The following CACNA1I variants were observed in gnomAD, a reference collection of about 807,000 sequenced individuals.
CACNA1I encodes voltage-dependent T-type calcium channel subunit alpha-1I.
In CACNA1I, 74 loss-of-function variants were observed where a neutral mutation model predicts 201.6. The observed-to-expected ratio is 0.37, with a 90% CI of 0.30 to 0.45. The LOEUF (loss-of-function observed/expected upper bound fraction) is 0.45, where lower values mean the gene tolerates loss of function less well. Among genes scored for constraint, CACNA1I ranks in the 20% least tolerant of loss-of-function variants. The probability of loss-of-function intolerance (pLI) is 1.00; values close to 1 mark genes in which losing one functional copy is unlikely to be tolerated. For missense variants in CACNA1I, 2,346 were observed against 3,138.1 expected, an observed-to-expected ratio of 0.75 and a Z score of 6.03; for synonymous variants, 1,431 against 1,345.2, an observed-to-expected ratio of 1.06 and a Z score of -1.40.
At position 39,604,518 on chromosome 22, in the gene CACNA1I, T is replaced by G. The variant is rs970904761; in HGVS notation, c.482+3865T>G. ...TTAATCATTTATGAACAAGGGGCCC[T>G]GCATCTTCAGTTTGCACCAAGTCCC... is the stretch of plus-strand genomic sequence containing the variant. On this transcript the variant is annotated intron_variant, in intron 3 of 36. Coordinates refer to ENST00000402142, the MANE Select transcript of CACNA1I (RefSeq NM_021096.4). Among the ~76,000 whole-genome samples, 5 of 152,122 alleles carry G rather than the reference T, an allele frequency of 3.3e-5. No homozygotes were observed. In the East Asian group the frequency reaches 5.8e-4, roughly 18 times the overall value.
chr22:39,662,769 T>C lies in CACNA1I; in HGVS notation c.3373-7T>C. 6.4e-7 allele frequency: 1 copy of C among 1,567,028 alleles called. No homozygotes were observed. The highest frequency in any genetic ancestry group is 8.7e-7 in the Non-Finnish European group (1 of 1,155,372). ...TGACCCCCGGCGCTCCGTCCTCCTC[T>C]TGCTAGACCCTGTGCTTCCGCGTCC... On this transcript the variant is annotated splice_region_variant and splice_polypyrimidine_tract_variant and intron_variant, in intron 17 of 36. Coordinates refer to ENST00000402142, the MANE Select transcript of CACNA1I (RefSeq NM_021096.4).
intron 1 of CACNA1I, among the ~76,000 whole-genome samples, chr22:39,585,492 C>T (rs1333319582): frequency 8.3e-5 from 12 of 144,586 alleles, no homozygotes; most frequent in African/African-American, 7.7e-5. Flanking sequence ...CGATTTTAAG[C>T]GATTCTCCTG....
chr22:39,638,716 T>C (rs1214178758), intron 5 of CACNA1I, among the ~76,000 whole-genome samples: 1 of 152,154 alleles, frequency 6.6e-6, no homozygotes, highest in Non-Finnish European at 1.5e-5. Context: ...TTATGGGAGA[T>C]TTTCATATGC....
In CACNA1I at chr22:39,629,190, G is replaced by A. The variant is rs924197647; in HGVS notation, c.581-5375G>A. On this transcript the variant is annotated intron_variant, in intron 4 of 36. Coordinates refer to ENST00000402142, the MANE Select transcript of CACNA1I (RefSeq NM_021096.4). This position sits in a 1 kb window ranked among gnomAD's most constrained non-coding sequence, Gnocchi z 4.8. The stretch of plus-strand genomic sequence containing the variant: ...TAGCTTTCAGTGCTGTCTAGAGACC[G>A]TCCTCACCCTGGTGCTCCACATGAC... Among the ~76,000 whole-genome samples, 4 of 152,052 alleles carry A rather than the reference G, an allele frequency of 2.6e-5. No individual in the cohort carries two copies. Among genetic ancestry groups the A allele is most frequent in the African/African-American group, 9.7e-5 (4 of 41,406 alleles).
chr22:39,673,122 G>A (rs1935420920), intron 28 of CACNA1I, 40 bp downstream of exon 28: 2 of 1,592,636 alleles, frequency 1.3e-6, no homozygotes, highest in African/African-American at 2.7e-5. Flanking sequence ...GGGACAAGCA[G>A]GGGCGGGATG....
In CACNA1I at chr22:39,649,415, G is replaced by A; in HGVS notation, c.1568-86G>A. ...GTTCCAGGCAGACCTGTGGGCCTGG[G>A]AGCCAAGCGCACTCAGGGATGTGTC... On this transcript the variant is annotated intron_variant, in intron 9 of 36. Coordinates refer to ENST00000402142, the MANE Select transcript of CACNA1I (RefSeq NM_021096.4). This position sits in a 1 kb window ranked among gnomAD's most constrained non-coding sequence, Gnocchi z 7.3. The A allele has an allele frequency of 7.4e-7, 1 of 1,354,596 alleles. No individual in the cohort carries two copies. The highest frequency in any genetic ancestry group is 9.8e-7 in the Non-Finnish European group (1 of 1,017,742). 83.9% of individuals were successfully genotyped at this position (1,354,596 alleles called of 1,614,324 possible).
intron 26 of CACNA1I, among the ~76,000 whole-genome samples, chr22:39,671,792 G>A (rs893379331): frequency 6.6e-6 from 1 of 152,178 alleles, no homozygotes; most frequent in Non-Finnish European, 1.5e-5. Flanking sequence ...CATTTACCAA[G>A]TATTATTCTG....
chr22:39,613,956 G>T (rs889409108), intron 3 of CACNA1I, among the ~76,000 whole-genome samples: 11 of 152,276 alleles, frequency 7.2e-5, no homozygotes, highest in African/African-American at 2.2e-4. Context: ...TCTTCCCTCA[G>T]CCTCTTGAGT....
In CACNA1I at chr22:39,647,938, C is replaced by G; in HGVS notation, c.1567+12C>G. ...TCACTCGGGAAGAGGCAAGCCAGGG[C>G]CACGGGAGGTGGGCCCTGCCCCCAG... On this transcript the variant is annotated intron_variant, in intron 9 of 36. Coordinates refer to ENST00000402142, the MANE Select transcript of CACNA1I (RefSeq NM_021096.4). 6.2e-7 allele frequency: 1 copy of G among 1,611,348 alleles called. No individual in the cohort carries two copies. The highest frequency in any genetic ancestry group is 8.5e-7 in the Non-Finnish European group (1 of 1,178,626).
At chr22:39,591,864 A>G (rs895509399) in intron 1 of CACNA1I, among the ~76,000 whole-genome samples, 4 of 152,224 alleles carry the variant, frequency 2.6e-5, no homozygotes, top group Non-Finnish European at 5.9e-5. Flanking sequence ...TTGGCCATGC[A>G]TGCTGTTTGA....
chr22:39,634,493 C>T, intron 4 of CACNA1I, 72 bp from the exon 5 acceptor site: 1 of 1,479,348 alleles, frequency 6.8e-7, no homozygotes, highest in Non-Finnish European at 9.4e-7. Flanking sequence ...TTTCTCTAAC[C>T]TTGCTCTCAC....
At chr22:39,679,957 G>A in intron 33 of CACNA1I, 89 bp downstream of exon 33, 7 of 1,349,268 alleles carry the variant, frequency 5.2e-6, no homozygotes, top group Non-Finnish European at 7.1e-6. Flanking sequence ...GCCTGGCTCT[G>A]GGCTGTAGAG....
intron 10 of CACNA1I, chr22:39,656,770 C>T: frequency 3.9e-6 from 2 of 519,012 alleles, no homozygotes; most frequent in South Asian, 1.4e-5. Context: ...TGCTAGGTGG[C>T]TCTGAACAAG....
chr22:39,663,926 G>A lies in CACNA1I; in HGVS notation c.3597+85G>A. On this transcript the variant is annotated intron_variant, in intron 19 of 36. Coordinates refer to ENST00000402142, the MANE Select transcript of CACNA1I (RefSeq NM_021096.4). ...CTGAGCAGGGCAGGGAGACCTCACC[G>A]AGGTGGGGAGGCAGGACAGGAAGTT... 2.5e-6 allele frequency: 4 copies of A among 1,569,116 alleles called. No homozygotes were observed. In the East Asian group the frequency reaches 6.7e-5, roughly 26 times the overall value.
chr22:39,673,149 G>GTGTGTTCTCATCAGGCA, intron 28 of CACNA1I, 67 bp downstream of exon 28: 7 of 561,000 alleles, frequency 1.2e-5, no homozygotes, highest in Non-Finnish European at 1.9e-5. Flanking sequence ...CTCATTGCCT[G>GTGTGTTCTCATCAGGCA]ATGAGAACAC....
intron 1 of CACNA1I, among the ~76,000 whole-genome samples, chr22:39,588,856 T>G (rs1487236844): frequency 6.6e-6 from 1 of 152,214 alleles, no homozygotes; most frequent in African/African-American, 2.4e-5. Flanking sequence ...TAACTTCATG[T>G]AATTGGAGTT....
rs117330603 is a variant in CACNA1I, at chr22:39,594,381, G to A, written c.237-3770G>A. ...ACGACAGGAAGAGGGGAAAGGCGAG[G>A]GGGATGGGGGATGTTCTTTGGTAAT... On this transcript the variant is annotated intron_variant, in intron 1 of 36. Coordinates refer to ENST00000402142, the MANE Select transcript of CACNA1I (RefSeq NM_021096.4). Among the ~76,000 whole-genome samples the A allele has an allele frequency of 5.0e-3, 762 of 152,282 alleles. 3 individuals carry two copies. Among genetic ancestry groups the A allele is most frequent in the Non-Finnish European group, 6.5e-3 (445 of 68,030 alleles).
intron 8 of CACNA1I, among the ~76,000 whole-genome samples, chr22:39,647,431 G>T (rs945593005): frequency 7.9e-5 from 12 of 152,078 alleles, no homozygotes; most frequent in Admixed American, 2.0e-4. Context: ...TTTGTTTTTT[G>T]TTGTTGTTGT....
chr22:39,661,213 G>A lies in CACNA1I; in HGVS notation c.2804G>A (p.Arg935Gln), dbSNP rs753028007. 1.1e-5 allele frequency: 17 copies of A among 1,612,034 alleles called. No homozygotes were observed. Among genetic ancestry groups the A allele is most frequent in the Admixed American group, 8.3e-5 (5 of 59,886 alleles). ...GPAGAAGPAP[R>Q]LSLQPDPMLV... ...GCTGGGGCTGCGGGACCTGCCCCCC[G>A]ACTCTCACTGCAGCCGGACCCCATG... is the stretch of plus-strand genomic sequence containing the variant. Residue 935 changes from arginine (R) to glutamine (Q), a missense_variant, in exon 16 of 37, where the codon CGA (arginine) becomes CAA (glutamine). Transcript: ENST00000402142.
Sources: gnomAD v4.1 joint callset for allele counts (sites outside exome capture counted in the v4.1 genomes callset) on GRCh38, gnomAD v4.1.1 for gene constraint, Gnocchi (gnomAD v3.1) non-coding constraint, MANE v1.5 for transcripts, NCBI Gene and HGNC (gene_info 2026-07-23, HGNC 2026-07-21) for gene names.